Variants in SNTG2 observed in about 807,000 individuals in gnomAD.
SNTG2 encodes syntrophin gamma 2, also known as gamma-2-syntrophin.
A neutral mutation model predicts 70.9 loss-of-function variants in SNTG2; 74 were observed. That is an observed-to-expected ratio of 1.04 (90% confidence interval 0.86 to 1.27). The LOEUF is 1.27. SNTG2 is among the 50% of genes most tolerant of loss of function. SNTG2 has a pLI of 0.00. For synonymous variants in SNTG2, 278 were observed against 273.8 expected (o/e 1.02, Z -0.15); for missense variants, 717 against 690.7 (o/e 1.04, Z -0.43).
chr2:961,388 CA>C (rs986056088), intron 1 of SNTG2, among the ~76,000 whole-genome samples: 8 of 152,076 alleles, frequency 5.3e-5, no homozygotes, highest in African/African-American at 1.9e-4. Context: ...GCTAGGATTA[CA>C]GGAGTGAGCC....
chr2:1,015,377 T>C lies in SNTG2; in HGVS notation c.72+64309T>C, dbSNP rs181503203. ...AAATAAAATATCCACACATATATAT[T>C]ATTTTTCAAAAACACACCATAAACC... is the stretch of plus-strand genomic sequence containing the variant. On this transcript the variant is annotated intron_variant, in intron 1 of 16. Coordinates refer to ENST00000308624, the MANE Select transcript of SNTG2 (RefSeq NM_018968.4). 5.9e-5 allele frequency among the ~76,000 whole-genome samples: 9 copies of C among 152,318 alleles called. No homozygotes were observed. In the East Asian group the frequency reaches 1.7e-3, roughly 29 times the overall value.
chr2:1,349,220 T>G (rs1660454965), intron 16 of SNTG2, among the ~76,000 whole-genome samples: 1 of 152,180 alleles, frequency 6.6e-6, no homozygotes, highest in African/African-American at 2.4e-5. Context: ...GGGTCACTGG[T>G]CCAAGTGGCA....
At chr2:961,470 T>C (rs1482387509) in intron 1 of SNTG2, among the ~76,000 whole-genome samples, 3 of 152,256 alleles carry the variant, frequency 2.0e-5, no homozygotes, top group African/African-American at 4.8e-5. Context: ...GTACAGCTGC[T>C]GGGAGTTAAC....
chr2:1,366,294 G>A (rs1661479310), intron 16 of SNTG2, among the ~76,000 whole-genome samples: 1 of 152,114 alleles, frequency 6.6e-6, no homozygotes, highest in East Asian at 1.9e-4. Flanking sequence ...TGGCAGGACG[G>A]CAAGATTCGT....
intron 1 of SNTG2, among the ~76,000 whole-genome samples, chr2:1,065,165 A>G (rs1216952870): frequency 6.6e-6 from 1 of 152,162 alleles, no homozygotes. Flanking sequence ...CTTGAGAAAC[A>G]GGGAGTCTTC....
chr2:1,098,214 C>A lies in SNTG2; in HGVS notation c.229C>A (p.Arg77Ser), dbSNP rs192264442. Residue 77 changes from arginine to serine, a missense_variant, in exon 3 of 17, where the codon CGC becomes AGC. By Grantham distance (110) the Arg-to-Ser change is moderately radical. Transcript: ENST00000308624. ...TTTAAAGCGCAGAACTGTTACACTC[C>A]GCAGACAGCCAGTTGGCGGCTTGGG... ...QGRNRRTVTL[R>S]RQPVGGLGLS... The A allele has an allele frequency of 2.2e-4, 348 of 1,613,994 alleles. 2 individuals carry two copies. The East Asian group carries it at 7.5e-3, about 35-fold the overall frequency.
chr2:1,243,634 C>T (rs111375759), intron 11 of SNTG2, among the ~76,000 whole-genome samples: 128 of 152,312 alleles, frequency 8.4e-4, no homozygotes, highest in African/African-American at 2.9e-3. Flanking sequence ...CTGAGTGTTA[C>T]GGCCGTTAGA....
intron 8 of SNTG2, among the ~76,000 whole-genome samples, chr2:1,198,571 C>T (rs1044501760): frequency 6.6e-6 from 1 of 151,648 alleles, no homozygotes; most frequent in Non-Finnish European, 1.5e-5. Flanking sequence ...ATACAGAGAT[C>T]AGAGCAGAAT....
chr2:1,298,986 C>T (rs1487290073), intron 14 of SNTG2, among the ~76,000 whole-genome samples: 3 of 152,174 alleles, frequency 2.0e-5, no homozygotes, highest in African/African-American at 7.2e-5. Context: ...GACTGGCTCT[C>T]CTTGCTCCTC....
At chr2:1,195,495 A>C (rs1328979320) in intron 8 of SNTG2, among the ~76,000 whole-genome samples, 1 of 152,022 alleles carries the variant, frequency 6.6e-6, no homozygotes, top group Non-Finnish European at 1.5e-5. Flanking sequence ...TTTTTTTCAT[A>C]TGGTTGTTGG....
chr2:1,208,343 A>G (rs1260189252), intron 8 of SNTG2, among the ~76,000 whole-genome samples: 1 of 151,998 alleles, frequency 6.6e-6, no homozygotes, highest in Non-Finnish European at 1.5e-5. Context: ...CACACCTGTG[A>G]GGCGCGTTCT....
chr2:1,338,840 G>GT (rs1412620169), intron 16 of SNTG2, among the ~76,000 whole-genome samples: 4 of 152,178 alleles, frequency 2.6e-5, no homozygotes, highest in African/African-American at 7.2e-5. Flanking sequence ...TTACATGCAA[G>GT]TATCTGTTCG....
chr2:1,175,722 C>A (rs1001266058), intron 8 of SNTG2, among the ~76,000 whole-genome samples: 2 of 152,200 alleles, frequency 1.3e-5, no homozygotes, highest in Admixed American at 6.5e-5. Flanking sequence ...GAGAAACTGT[C>A]CTCCTACCCT....
intron 1 of SNTG2, among the ~76,000 whole-genome samples, chr2:1,026,276 T>A (rs1660474738): frequency 6.6e-6 from 1 of 152,338 alleles, no homozygotes; most frequent in Non-Finnish European, 1.5e-5. Context: ...TTAATCAGAC[T>A]CTCAATTGGC....
chr2:1,080,534 C>CTGTGTGTGTGCATGCATCCCTG (rs1664216570), intron 1 of SNTG2, among the ~76,000 whole-genome samples: 1 of 151,448 alleles, frequency 6.6e-6, no homozygotes, highest in Non-Finnish European at 1.5e-5. Flanking sequence ...GTGTTTGTGT[C>CTGTGTGTGTGCATGCATCCCTG]TGTGTGTGTG....
intron 1 of SNTG2, among the ~76,000 whole-genome samples, chr2:1,036,859 G>GTC (rs1385932795): frequency 1.3e-5 from 2 of 152,156 alleles, no homozygotes; most frequent in Non-Finnish European, 2.9e-5. Context: ...AGAATACCGT[G>GTC]TCTCTCTCTC....
At chr2:1,138,400 C>T (rs997915142) in intron 6 of SNTG2, among the ~76,000 whole-genome samples, 1 of 152,158 alleles carries the variant, frequency 6.6e-6, no homozygotes. Context: ...GACGTCTATC[C>T]CCGAGGTACT....
chr2:999,666 A>G (rs1291246710), intron 1 of SNTG2, among the ~76,000 whole-genome samples: 1 of 152,072 alleles, frequency 6.6e-6, no homozygotes, highest in East Asian at 1.9e-4. Flanking sequence ...AACTAAGAAA[A>G]TAGCAATACA....
At chr2:1,229,480 G>A (rs535981758) in intron 9 of SNTG2, among the ~76,000 whole-genome samples, 5 of 152,352 alleles carry the variant, frequency 3.3e-5, no homozygotes, top group African/African-American at 9.6e-5. Context: ...CAATCCCTGA[G>A]CTAGACATAA....
Sources: allele counts gnomAD v4.1 joint callset (sites outside exome capture counted in the v4.1 genomes callset), GRCh38; gene constraint gnomAD v4.1.1; transcripts MANE v1.5; gene names NCBI Gene and HGNC (gene_info 2026-07-23, HGNC 2026-07-21).